Variants in GRIA4 observed in about 807,000 individuals in gnomAD.
GRIA4 encodes glutamate ionotropic receptor AMPA type subunit 4.
Under a neutral mutation model 104.0 loss-of-function variants are expected in GRIA4, and 34 were observed. The ratio of observed to expected loss-of-function variants is 0.33; its 90% confidence interval spans 0.25 to 0.44. The LOEUF (loss-of-function observed/expected upper bound fraction) is 0.44, where lower values mean the gene tolerates loss of function less well. Ranked by LOEUF, GRIA4 falls within the 20% of genes least tolerant of loss-of-function variation. GRIA4 has a pLI of 1.00. For synonymous variants in GRIA4, 386 were observed against 381.9 expected (o/e 1.01, Z -0.13); for missense variants, 750 against 1,096.5 (o/e 0.68, Z 4.46).
chr11:105,812,435 C>A (rs954346084), intron 4 of GRIA4, among the ~76,000 whole-genome samples: 19 of 152,208 alleles, frequency 1.2e-4, no homozygotes, highest in Non-Finnish European at 1.5e-5. Flanking sequence ...GCTTGAAAAT[C>A]AGCCACACCT....
At chr11:105,799,683 T>C (rs1196713757) in intron 4 of GRIA4, among the ~76,000 whole-genome samples, 1 of 152,110 alleles carries the variant, frequency 6.6e-6, no homozygotes, top group Non-Finnish European at 1.5e-5. Flanking sequence ...GTAGGAATTT[T>C]TAGAAGTTCT....
At position 105,980,110 on chromosome 11, in the gene GRIA4, A is replaced by ATCCTTT. The variant is rs1859198921; in HGVS notation, c.*371_*372insTCCTTT. The ATCCTTT allele has an allele frequency of 5.8e-6, 1 of 171,668 alleles. No individual in the cohort carries two copies. Among genetic ancestry groups the ATCCTTT allele is most frequent in the Non-Finnish European group, 1.3e-5 (1 of 79,368 alleles). 10.6% of individuals were successfully genotyped at this position (171,668 alleles called of 1,614,324 possible). A position where few individuals can be genotyped will look rare whatever the true frequency, so the allele number is the denominator to read the frequency against. ...CTTGCTCAGAAAGGCCTTTGTCTTC[A>ATCCTTT]CCGGAAAGGATAAAATAGTTGTAGA... On this transcript the variant is annotated 3_prime_UTR_variant, in exon 17 of 17. Coordinates refer to ENST00000282499, the MANE Select transcript of GRIA4 (RefSeq NM_000829.4).
intron 6 of GRIA4, 57 bp downstream of exon 6, chr11:105,887,629 T>C: frequency 1.3e-6 from 1 of 799,096 alleles, no homozygotes; most frequent in African/African-American, 1.7e-5. Context: ...ACAAGATTAT[T>C]TTAACTGTGC....
At chr11:105,836,696 T>C (rs1259908330) in intron 4 of GRIA4, among the ~76,000 whole-genome samples, 1 of 152,180 alleles carries the variant, frequency 6.6e-6, no homozygotes, top group Admixed American at 6.6e-5. Context: ...TCAATAAATC[T>C]GGTATAGAGC....
intron 16 of GRIA4, among the ~76,000 whole-genome samples, chr11:105,977,980 T>C (rs1011116577): frequency 6.6e-6 from 1 of 152,096 alleles, no homozygotes; most frequent in Non-Finnish European, 1.5e-5. Context: ...ACTGGTGCAG[T>C]GAAATTCAAT....
intron 5 of GRIA4, among the ~76,000 whole-genome samples, chr11:105,867,625 A>G (rs764107272): frequency 6.6e-6 from 1 of 152,208 alleles, no homozygotes. Context: ...CCTAAAAGGA[A>G]AGGAACATTT....
At chr11:105,669,707 TGC>T (rs1166909843) in intron 3 of GRIA4, among the ~76,000 whole-genome samples, 5 of 152,186 alleles carry the variant, frequency 3.3e-5, no homozygotes, top group Non-Finnish European at 7.3e-5. Context: ...ATCTCAGGTA[TGC>T]AGTAGCCTGC....
At chr11:105,661,488 T>C (rs964018764) in intron 3 of GRIA4, among the ~76,000 whole-genome samples, 1 of 151,588 alleles carries the variant, frequency 6.6e-6, no homozygotes, top group Non-Finnish European at 1.5e-5. Flanking sequence ...TTGAGATAAG[T>C]AGAAAAATGT....
intron 3 of GRIA4, chr11:105,707,753 G>T (rs117168418): frequency 6.6e-6 from 1 of 152,230 alleles, no homozygotes; most frequent in South Asian, 2.1e-4. Flanking sequence ...GAGATTCTCC[G>T]AATGTGGTAG....
chr11:105,753,367 G>A lies in GRIA4; in HGVS notation c.487+147G>A, dbSNP rs948169804. 4.1e-5 allele frequency: 30 copies of A among 736,230 alleles called. No homozygotes were observed. The Admixed American group carries it at 7.5e-4, about 18-fold the overall frequency. The allele number at this position is 736,230 out of a possible 1,614,324, so 45.6% of individuals were successfully genotyped here. A position where few individuals can be genotyped will look rare whatever the true frequency, so the allele number is the denominator to read the frequency against. On this transcript the variant is annotated intron_variant, in intron 4 of 16. Transcript: ENST00000282499. ...TGATGTGTATTTTTATCTTGACTCT[G>A]GGGAAAAATTTCTAATTAAACGAGT...
intron 14 of GRIA4, among the ~76,000 whole-genome samples, chr11:105,940,100 C>T (rs1948146132): frequency 6.6e-6 from 1 of 152,144 alleles, no homozygotes; most frequent in Admixed American, 6.5e-5. Flanking sequence ...CACAGTGGCT[C>T]ACTCTTGTAA....
chr11:105,630,157 ATAT>A (rs1565416103), intron 3 of GRIA4, among the ~76,000 whole-genome samples: 2 of 152,078 alleles, frequency 1.3e-5, no homozygotes, highest in African/African-American at 4.8e-5. Flanking sequence ...CTACTACGTG[ATAT>A]TATTATTTAT....
intron 3 of GRIA4, among the ~76,000 whole-genome samples, chr11:105,721,860 C>A (rs571011594): frequency 6.6e-6 from 1 of 152,206 alleles, no homozygotes; most frequent in South Asian, 2.1e-4. Flanking sequence ...AGACTGTTTG[C>A]TTTTTGTAGA....
At chr11:105,741,492 G>C (rs10791770) in intron 3 of GRIA4, among the ~76,000 whole-genome samples, 70,881 of 151,920 alleles carry the variant, frequency 0.47, 16,860 homozygotes, top group Middle Eastern at 0.54. Context: ...TTTAAAATGG[G>C]TCAAGTGGGA....
intron 4 of GRIA4, among the ~76,000 whole-genome samples, chr11:105,767,631 G>C (rs1020653316): frequency 1.3e-5 from 2 of 152,066 alleles, no homozygotes; most frequent in Non-Finnish European, 2.9e-5. Context: ...GGTTCTTCAA[G>C]AATTTATAAT....
At chr11:105,874,171 G>A (rs1256665568) in intron 5 of GRIA4, among the ~76,000 whole-genome samples, 1 of 152,148 alleles carries the variant, frequency 6.6e-6, no homozygotes, top group African/African-American at 2.4e-5. Context: ...TATGGAATAG[G>A]AGATCCTTTC....
intron 3 of GRIA4, among the ~76,000 whole-genome samples, chr11:105,714,328 G>A (rs1954017756): frequency 6.6e-6 from 1 of 151,808 alleles, no homozygotes; most frequent in East Asian, 1.9e-4. Context: ...AATTCTGCTA[G>A]AGAGTATGTA....
intron 4 of GRIA4, among the ~76,000 whole-genome samples, chr11:105,761,938 A>G (rs1940672998): frequency 6.6e-6 from 1 of 152,230 alleles, no homozygotes; most frequent in African/African-American, 2.4e-5. Context: ...ATGTGTTAGA[A>G]GCAGTTTCCT....
At chr11:105,828,345 T>G (rs1398675863) in intron 4 of GRIA4, among the ~76,000 whole-genome samples, 1 of 151,940 alleles carries the variant, frequency 6.6e-6, no homozygotes, top group Non-Finnish European at 1.5e-5. Flanking sequence ...GGTGAACAAA[T>G]GACATAGCCA....
Sources: allele counts gnomAD v4.1 joint callset (sites outside exome capture counted in the v4.1 genomes callset), GRCh38; gene constraint gnomAD v4.1.1; transcripts MANE v1.5; gene names NCBI Gene and HGNC (gene_info 2026-07-23, HGNC 2026-07-21).